CIRBP: variants seen among roughly 807,000 people sequenced by gnomAD.
CIRBP encodes cold inducible RNA binding protein.
CIRBP carries 11 observed loss-of-function variants against 22.3 expected under a neutral mutation model. The observed-to-expected ratio is 0.49, with a 90% confidence interval of 0.31 to 0.82. The LOEUF (loss-of-function observed/expected upper bound fraction) is 0.82. Among genes scored for constraint, CIRBP ranks in the 40% least tolerant of loss-of-function variants. The pLI is 0.05. For missense variants in CIRBP, 456 were observed against 402.7 expected (o/e 1.13, Z -1.13); for synonymous variants, 216 against 158.8 (o/e 1.36, Z -2.71).
rs941037123 is a variant in CIRBP at position 1,272,574 on chromosome 19, C to T, written c.*131C>T. On this transcript the variant is annotated 3_prime_UTR_variant, in exon 6 of 6. Coordinates refer to ENST00000587896, the MANE Select transcript of CIRBP (RefSeq NM_001300829.2). ...CTTTCGTAGTCATTTCGGTTCTGAT[C>T]TTGTCAAACCCAGCCTGACCGCTTC... is the stretch of plus-strand genomic sequence containing the variant. 1.3e-5 allele frequency: 11 copies of T among 849,164 alleles called. No individual in the cohort carries two copies. Among genetic ancestry groups the T allele is most frequent in the African/African-American group, 8.5e-5 (5 of 59,062 alleles). The allele number at this position is 849,164 out of a possible 1,614,324, so 52.6% of individuals were successfully genotyped here.
chr19:1,270,113 AATCCTGCCTTATCACTTCCGGGGCC>A (rs1200140081), intron 1 of CIRBP: 2 of 519,072 alleles, frequency 3.9e-6, no homozygotes, highest in African/African-American at 3.9e-5. Context: ...CCTGCCTGGA[AATCCTGCCTTATCACTTCCGGGGCC>A]ATCCCTTCCC....
At chr19:1,270,857 C>T (rs2081327650) in intron 1 of CIRBP, 71 bp from the exon 2 acceptor site, 1 of 951,838 alleles carries the variant, frequency 1.1e-6, no homozygotes, top group Non-Finnish European at 1.7e-6. Flanking sequence ...ATGTCATTTA[C>T]ATAAAATAGG....
chr19:1,274,320 G>C lies in CIRBP; in HGVS notation c.*1877G>C. 2.5e-6 allele frequency: 1 copy of C among 401,328 alleles called. No individual in the cohort carries two copies. Among genetic ancestry groups the C allele is most frequent in the East Asian group, 3.6e-5 (1 of 28,082 alleles). 24.9% of individuals were successfully genotyped at this position (401,328 alleles called of 1,614,324 possible). A position where few individuals can be genotyped will look rare whatever the true frequency, so the allele number is the denominator to read the frequency against. On this transcript the variant is annotated 3_prime_UTR_variant, in exon 6 of 6. Coordinates refer to ENST00000587896, the MANE Select transcript of CIRBP (RefSeq NM_001300829.2). Reference sequence around the variant, plus strand: ...TTGCTTTGGCAGGTTGAAGGGGCCCGGCCAGGACTCGGGGAAGGGTGGCCT... The same window carrying C: ...TTGCTTTGGCAGGTTGAAGGGGCCCCGCCAGGACTCGGGGAAGGGTGGCCT...
rs1341085853 is a variant in CIRBP at position 1,273,135 on chromosome 19, G to C, written c.*692G>C. 3.3e-5 allele frequency: 5 copies of C among 152,234 alleles called. No individual in the cohort carries two copies. The highest frequency in any genetic ancestry group is 3.3e-4 in the Admixed American group (5 of 15,280). The allele number at this position is 152,234 out of a possible 1,614,324, so 9.4% of individuals were successfully genotyped here. A position where few individuals can be genotyped will look rare whatever the true frequency, so the allele number is the denominator to read the frequency against. On this transcript the variant is annotated 3_prime_UTR_variant, in exon 6 of 6. Transcript: ENST00000587896. The stretch of plus-strand genomic sequence containing the variant: ...GGAATTCTTGTACGCAGTTTTCTTT[G>C]GCTTTACGAAGCCGATTAAAAGACC...
At chr19:1,271,959 T>A in intron 5 of CIRBP, 22 bp from the exon 6 acceptor site, 1 of 1,592,818 alleles carries the variant, frequency 6.3e-7, no homozygotes, top group South Asian at 1.1e-5. Flanking sequence ...CTTCCGGTAC[T>A]CAACGTTTGT....
chr19:1,272,753 TGTTTTA>T lies in CIRBP; in HGVS notation c.*316_*321del. The T allele has an allele frequency of 3.8e-6, 1 of 260,096 alleles. No individual in the cohort carries two copies. Among genetic ancestry groups the T allele is most frequent in the Non-Finnish European group, 7.2e-6 (1 of 138,970 alleles). 16.1% of individuals were successfully genotyped at this position (260,096 alleles called of 1,614,324 possible). A position where few individuals can be genotyped will look rare whatever the true frequency, so the allele number is the denominator to read the frequency against. On this transcript the variant is annotated 3_prime_UTR_variant, in exon 6 of 6. Transcript: ENST00000587896. ...GGGGGTTGTGTGGGTTTTTGGTTTTTGTTTTAGTTTTTGGTTGCGTTGCCTTTTTTT... is the reference window on the plus strand; with the variant it reads ...GGGGGTTGTGTGGGTTTTTGGTTTTTGTTTTTGGTTGCGTTGCCTTTTTTT...
At position 1,272,087 on chromosome 19, in the gene CIRBP, C is replaced by T. The variant is rs978820784; in HGVS notation, c.538C>T (p.Pro180Ser). The change falls in exon 6 of 6, where the codon CCT becomes TCT. Residue 180 changes from proline (P) to serine (S), a missense_variant. By Grantham distance (74) the Pro-to-Ser change is moderately conservative (BLOSUM62 -1). Around this residue, in one of 2 missense-constraint regions of CIRBP, gnomAD observed 426 missense variants for 339.6 expected, o/e 1.25. Transcript: ENST00000587896. ...SHSEGATLLWPAVGARFTLVP... is the reference protein window; with the variant it reads ...SHSEGATLLWSAVGARFTLVP... Reference sequence around the variant, plus strand: ...CTCCGAGGGCGCCACGCTGCTGTGGCCTGCGGTGGGAGCTCGGTTCACCTT... The same window carrying T: ...CTCCGAGGGCGCCACGCTGCTGTGGTCTGCGGTGGGAGCTCGGTTCACCTT... The T allele has an allele frequency of 1.2e-6, 2 of 1,613,984 alleles. No homozygotes were observed. Among genetic ancestry groups the T allele is most frequent in the South Asian group, 1.1e-5 (1 of 91,094 alleles).
chr19:1,269,706 G>GGTGCGCGCGGGGCGC (rs2081301141), intron 1 of CIRBP: 1 of 352,202 alleles, frequency 2.8e-6, no homozygotes, highest in Non-Finnish European at 5.6e-6. Flanking sequence ...AGTGGCGCAG[G>GGTGCGCGCGGGGCGC]GTGCGCGCGG....
At chr19:1,271,948 C>T (rs762919208) in intron 5 of CIRBP, 33 bp from the exon 6 acceptor site, 12 of 1,571,586 alleles carry the variant, frequency 7.6e-6, no homozygotes, top group South Asian at 5.7e-5. Flanking sequence ...TAGACGGGTA[C>T]CTTCCGGTAC....
Position 1,272,203 on chromosome 19 carries a change from C to T in CIRBP, c.654C>T (p.Phe218=), listed in dbSNP as rs773600819. The T allele has an allele frequency of 1.3e-6, 2 of 1,594,556 alleles. No homozygotes were observed. Among genetic ancestry groups the T allele is most frequent in the Admixed American group, 1.8e-5 (1 of 56,096 alleles). ...CGCATCTGTCCTCTCAGAGCCATTTCTATCGCAGGACGCAAAAGCCAAATG... is the reference window on the plus strand; with the variant it reads ...CGCATCTGTCCTCTCAGAGCCATTTTTATCGCAGGACGCAAAAGCCAAATG... The part of the protein sequence containing the change: ...EEAHLSSQSH[F]YRRTQKPNET... Residue 218 remains phenylalanine, a synonymous_variant, in exon 6 of 6, where the codon TTC becomes TTT. Transcript: ENST00000587896.
intron 1 of CIRBP, 157 bp from the exon 2 acceptor site, chr19:1,270,771 A>C: frequency 1.5e-6 from 1 of 653,374 alleles, no homozygotes; most frequent in Non-Finnish European, 2.7e-6. Context: ...CGACCCCAAA[A>C]AAATAAGTCC....
At position 1,274,350 on chromosome 19, in the gene CIRBP, G is replaced by A. The variant is rs931794154; in HGVS notation, c.*1907G>A. ...GGACTCGGGGAAGGGTGGCCTGAGA[G>A]CAGCGATGACCTCTGGGGTCACTGT... On this transcript the variant is annotated 3_prime_UTR_variant, in exon 6 of 6. Transcript: ENST00000587896. The A allele has an allele frequency of 5.0e-6, 2 of 401,210 alleles. No individual in the cohort carries two copies. The highest frequency in any genetic ancestry group is 2.1e-5 in the African/African-American group (1 of 48,708). 24.9% of individuals were successfully genotyped at this position (401,210 alleles called of 1,614,324 possible). A position where few individuals can be genotyped will look rare whatever the true frequency, so the allele number is the denominator to read the frequency against.
Position 1,271,103 on chromosome 19 carries a change from G to T in CIRBP, c.104-37G>T, listed in dbSNP as rs372929661. ...TGTGCTCCTCCTACCTGGAAGTACA[G>T]CTGGGTGCTGACTGCAGACCTCTCT... On this transcript the variant is annotated intron_variant, in intron 2 of 5. Coordinates refer to ENST00000587896, the MANE Select transcript of CIRBP (RefSeq NM_001300829.2). The T allele has an allele frequency of 2.5e-6, 4 of 1,611,426 alleles. No homozygotes were observed. In the African/African-American group the frequency reaches 4.0e-5, roughly 16 times the overall value.
intron 1 of CIRBP, among the ~76,000 whole-genome samples, chr19:1,269,649 C>G (rs912312140): frequency 4.0e-5 from 6 of 151,872 alleles, no homozygotes; most frequent in Non-Finnish European, 8.8e-5. Flanking sequence ...GCCGCGAGCT[C>G]GAGGCTGTGC....
At position 1,272,199 on chromosome 19, in the gene CIRBP, A is replaced by C. The variant is rs755043268; in HGVS notation, c.650A>C (p.His217Pro). ...GAGGCGCATCTGTCCTCTCAGAGCC[A>C]TTTCTATCGCAGGACGCAAAAGCCA... ...PEEAHLSSQS[H>P]FYRRTQKPNE... is the part of the protein sequence containing the mutation. The change falls in exon 6 of 6, where the codon CAT (histidine) becomes CCT (proline). Residue 217 changes from histidine (H) to proline (P), a missense_variant. Transcript: ENST00000587896. The C allele has an allele frequency of 1.3e-6, 2 of 1,595,290 alleles. No individual in the cohort carries two copies. The highest frequency in any genetic ancestry group is 2.7e-5 in the African/African-American group (2 of 74,674).
Position 1,272,973 on chromosome 19 carries a change from T to G in CIRBP, c.*530T>G, listed in dbSNP as rs1172070084. On this transcript the variant is annotated 3_prime_UTR_variant, in exon 6 of 6. Transcript: ENST00000587896. The stretch of plus-strand genomic sequence containing the variant: ...GCAACTGCCCTGGAGCCCCAGCCCC[T>G]GCGTCCATCTGTGCTGTGCGCCCCA... 2 of 154,734 alleles carry G rather than the reference T, an allele frequency of 1.3e-5. 1 individual carries two copies. The highest frequency in any genetic ancestry group is 2.9e-5 in the Non-Finnish European group (2 of 69,598). 9.6% of individuals were successfully genotyped at this position (154,734 alleles called of 1,614,324 possible).
chr19:1,274,215 C>T lies in CIRBP; in HGVS notation c.*1772C>T, dbSNP rs1346493132. On this transcript the variant is annotated 3_prime_UTR_variant, in exon 6 of 6. Transcript: ENST00000587896. Reference sequence around the variant, plus strand: ...AGCCCCCTGACTAGCCTGAGACCTTCCTAGGGGCTGTGGCTGTTTCCGGGG... The same window carrying T: ...AGCCCCCTGACTAGCCTGAGACCTTTCTAGGGGCTGTGGCTGTTTCCGGGG... 3 of 399,856 alleles carry T rather than the reference C, an allele frequency of 7.5e-6. No homozygotes were observed. The highest frequency in any genetic ancestry group is 6.2e-5 in the African/African-American group (3 of 48,652). The allele number at this position is 399,856 out of a possible 1,614,324, so 24.8% of individuals were successfully genotyped here.
chr19:1,273,675 C>T lies in CIRBP; in HGVS notation c.*1232C>T, dbSNP rs935080959. ...GAACCCTCTGAGACGCAAGCTGCTC[C>T]CTTGGCTAGCTCATATGTGGAAATA... On this transcript the variant is annotated 3_prime_UTR_variant, in exon 6 of 6. Transcript: ENST00000587896. The T allele has an allele frequency of 1.3e-5, 2 of 152,254 alleles. No individual in the cohort carries two copies. The highest frequency in any genetic ancestry group is 4.8e-5 in the African/African-American group (2 of 41,454). 9.4% of individuals were successfully genotyped at this position (152,254 alleles called of 1,614,324 possible).
chr19:1,272,583 C>A lies in CIRBP; in HGVS notation c.*140C>A. 2 of 739,716 alleles carry A rather than the reference C, an allele frequency of 2.7e-6. No individual in the cohort carries two copies. Among genetic ancestry groups the A allele is most frequent in the Non-Finnish European group, 4.4e-6 (2 of 451,374 alleles). 45.8% of individuals were successfully genotyped at this position (739,716 alleles called of 1,614,324 possible). A position where few individuals can be genotyped will look rare whatever the true frequency, so the allele number is the denominator to read the frequency against. On this transcript the variant is annotated 3_prime_UTR_variant, in exon 6 of 6. Coordinates refer to ENST00000587896, the MANE Select transcript of CIRBP (RefSeq NM_001300829.2). ...TCATTTCGGTTCTGATCTTGTCAAA[C>A]CCAGCCTGACCGCTTCTGACGCCGG...
Sources: gnomAD v4.1 joint callset for allele counts (sites outside exome capture counted in the v4.1 genomes callset) on GRCh38, gnomAD v4.1.1 for gene constraint, gnomAD v4.1.1 regional missense constraint, MANE v1.5 for transcripts, NCBI Gene and HGNC (gene_info 2026-07-23, HGNC 2026-07-21) for gene names.